CTNNA2: variants seen among roughly 807,000 people sequenced by gnomAD.
The protein encoded by CTNNA2 is catenin alpha-2.
In CTNNA2, 42 loss-of-function variants were observed where a neutral mutation model predicts 101.0. The ratio of observed to expected loss-of-function variants is 0.42; its 90% CI spans 0.32 to 0.54. CTNNA2 has a LOEUF of 0.54. CTNNA2 is among the 20% of genes least tolerant of loss of function. CTNNA2 has a pLI of 0.14. For missense variants in CTNNA2, 871 were observed against 1,223.1 expected (o/e 0.71, Z 4.29); for synonymous variants, 450 against 456.4 (o/e 0.99, Z 0.18).
Position 79,338,572 on chromosome 2 carries a change from C to CTCTTCTTCTTCTTCTTCT in CTNNA2, c.-318+25778_-318+25779insTTCTTCTTCTTCTTCTTC, listed in dbSNP as rs1206814071. 1.5e-4 allele frequency among the ~76,000 whole-genome samples: 19 copies of CTCTTCTTCTTCTTCTTCT among 127,164 alleles called. 1 individual carries two copies. The highest frequency in any genetic ancestry group is 4.3e-4 in the African/African-American group (14 of 32,788). The allele number at this position is 127,164 out of a possible 152,430, so 83.4% of individuals were successfully genotyped here. A position where few individuals can be genotyped will look rare whatever the true frequency, so the allele number is the denominator to read the frequency against. On this transcript the variant is annotated intron_variant, in intron 3 of 21. Coordinates refer to the CTNNA2 transcript ENST00000466387. Reference sequence around the variant, plus strand: ...ACCATTTTTCTTCTTCTTCTTCCTCCTCATCATCTTCTTCTTCTTCTTCTT... The same window carrying CTCTTCTTCTTCTTCTTCT: ...ACCATTTTTCTTCTTCTTCTTCCTCCTCTTCTTCTTCTTCTTCTTCATCATCTTCTTCTTCTTCTTCTT...
intron 1 of CTNNA2, among the ~76,000 whole-genome samples, chr2:79,602,593 G>T (rs1283587072): frequency 2.0e-5 from 3 of 152,138 alleles, no homozygotes; most frequent in Non-Finnish European, 4.4e-5. Context: ...AATGATAGCA[G>T]TGTTCTTAAA....
At chr2:79,981,046 C>T (rs544805538) in intron 7 of CTNNA2, among the ~76,000 whole-genome samples, 13 of 152,028 alleles carry the variant, frequency 8.6e-5, no homozygotes, top group South Asian at 6.2e-4. Flanking sequence ...TTATCAGCCA[C>T]GTATGGAGAG....
chr2:80,558,677 G>A (rs751947749), intron 12 of CTNNA2, among the ~76,000 whole-genome samples: 17 of 152,030 alleles, frequency 1.1e-4, no homozygotes, highest in Non-Finnish European at 2.5e-4. Context: ...ACTTTTCTAT[G>A]TGAATCTATC....
intron 7 of CTNNA2, among the ~76,000 whole-genome samples, chr2:80,357,456 G>C (rs193173109): frequency 1.3e-5 from 2 of 151,976 alleles, no homozygotes; most frequent in South Asian, 4.2e-4. Context: ...AAGTCTTTTC[G>C]ATATCCTCAT....
chr2:79,628,656 CA>C (rs1227161571), intron 1 of CTNNA2, among the ~76,000 whole-genome samples: 1 of 152,140 alleles, frequency 6.6e-6, no homozygotes, highest in Admixed American at 6.5e-5. Flanking sequence ...TAATTTCAAC[CA>C]TAAATATCAC....
chr2:79,962,140 G>C (rs1283460867), intron 7 of CTNNA2, among the ~76,000 whole-genome samples: 1 of 152,230 alleles, frequency 6.6e-6, no homozygotes, highest in Non-Finnish European at 1.5e-5. Context: ...TACTGTCTTA[G>C]TCTGTTCAGG....
At chr2:79,619,936 G>A (rs772370954) in intron 1 of CTNNA2, among the ~76,000 whole-genome samples, 14 of 151,570 alleles carry the variant, frequency 9.2e-5, no homozygotes, top group African/African-American at 7.3e-5. Context: ...TCAGATTTTC[G>A]TAGCTTTTTT....
intron 7 of CTNNA2, among the ~76,000 whole-genome samples, chr2:80,200,204 G>A (rs111793628): frequency 0.01 from 1,541 of 152,294 alleles, 27 homozygotes; most frequent in African/African-American, 0.035. Context: ...CCTTGTGCCA[G>A]ACAATGTATC....
In CTNNA2 at chr2:80,606,414, C is replaced by CACACA. The variant is rs1558638318; in HGVS notation, c.2296-1770_2296-1769insACACA. On this transcript the variant is annotated intron_variant, in intron 16 of 18. Coordinates refer to ENST00000402739, the MANE Select transcript of CTNNA2 (RefSeq NM_001282597.3). ...CACACACACACACACACACACACAC[C>CACACA]CCCCAGGATACATTTATTTTGAGAT... Among the ~76,000 whole-genome samples the CACACA allele has an allele frequency of 8.7e-3, 450 of 51,606 alleles. 4 individuals carry two copies. The highest frequency in any genetic ancestry group is 0.03 in the African/African-American group (376 of 12,666). The allele number at this position is 51,606 out of a possible 152,430, so 33.9% of individuals were successfully genotyped here. A position where few individuals can be genotyped will look rare whatever the true frequency, so the allele number is the denominator to read the frequency against.
At chr2:80,151,942 C>G (rs747838357) in intron 7 of CTNNA2, among the ~76,000 whole-genome samples, 2 of 152,248 alleles carry the variant, frequency 1.3e-5, no homozygotes, top group African/African-American at 2.4e-5. Flanking sequence ...TTGCTTCCCC[C>G]CTGCTGTCTT....
chr2:80,200,890 C>T (rs527605230), intron 7 of CTNNA2, among the ~76,000 whole-genome samples: 1 of 151,046 alleles, frequency 6.6e-6, no homozygotes, highest in Non-Finnish European at 1.5e-5. Flanking sequence ...CCTGTACCTT[C>T]TCAGTGTCTT....
At chr2:79,638,308 G>T (rs1006554458) in intron 1 of CTNNA2, among the ~76,000 whole-genome samples, 1 of 151,808 alleles carries the variant, frequency 6.6e-6, no homozygotes, top group African/African-American at 2.4e-5. Flanking sequence ...GTATTTTTTG[G>T]CTCATAAATA....
Position 80,559,709 on chromosome 2 carries a change from C to T in CTNNA2, c.1741+3816C>T, listed in dbSNP as rs1027939853. Among the ~76,000 whole-genome samples, 3 of 152,072 alleles carry T rather than the reference C, an allele frequency of 2.0e-5. No homozygotes were observed. In the East Asian group the frequency reaches 5.8e-4, roughly 29 times the overall value. ...CTACAGCAGACCCATTAAATACTTACATGGCATATTTGATGGGCTCTTCAA... is the reference window on the plus strand; with the variant it reads ...CTACAGCAGACCCATTAAATACTTATATGGCATATTTGATGGGCTCTTCAA... On this transcript the variant is annotated intron_variant, in intron 12 of 18. Transcript: ENST00000402739.
At chr2:80,313,214 A>G (rs759999220) in intron 7 of CTNNA2, among the ~76,000 whole-genome samples, 22 of 152,324 alleles carry the variant, frequency 1.4e-4, no homozygotes, top group East Asian at 1.9e-4. Flanking sequence ...TCAGTGGTAA[A>G]CTAACCTGCC....
intron 2 of CTNNA2, among the ~76,000 whole-genome samples, chr2:79,719,639 C>T (rs940292986): frequency 3.9e-5 from 6 of 152,010 alleles, no homozygotes; most frequent in African/African-American, 1.4e-4. Context: ...TGCATTTCTA[C>T]GATGATTAAT....
intron 3 of CTNNA2, among the ~76,000 whole-genome samples, chr2:79,855,035 C>T (rs570934895): frequency 2.0e-5 from 3 of 152,148 alleles, no homozygotes; most frequent in Non-Finnish European, 4.4e-5. Context: ...CCTTTGGAAT[C>T]CTTATCAACA....
At chr2:80,221,234 A>G (rs1356577269) in intron 7 of CTNNA2, among the ~76,000 whole-genome samples, 1 of 152,186 alleles carries the variant, frequency 6.6e-6, no homozygotes, top group Non-Finnish European at 1.5e-5. Flanking sequence ...AATCAAGCAC[A>G]TAGGTTCTGA....
chr2:79,364,100 T>A (rs1343328658), intron 3 of CTNNA2, among the ~76,000 whole-genome samples: 1 of 152,074 alleles, frequency 6.6e-6, no homozygotes, highest in Non-Finnish European at 1.5e-5. Flanking sequence ...CAGTGTCAGG[T>A]CTTGGAGGAA....
rs575951625 is a variant in CTNNA2 at position 80,290,757 on chromosome 2, T to C, written c.1057-102454T>C. Among the ~76,000 whole-genome samples, 16 of 152,308 alleles carry C rather than the reference T, an allele frequency of 1.1e-4. No individual in the cohort carries two copies. The East Asian group carries it at 1.7e-3, about 17-fold the overall frequency. ...AATGTTTGCTCCCTCAGTGCCATTT[T>C]GCTCTTGTTGTGAATGCCTGGTGTA... On this transcript the variant is annotated intron_variant, in intron 7 of 18. Coordinates refer to ENST00000402739, the MANE Select transcript of CTNNA2 (RefSeq NM_001282597.3).
Sources: allele counts gnomAD v4.1 joint callset (sites outside exome capture counted in the v4.1 genomes callset), GRCh38; gene constraint gnomAD v4.1.1; transcripts MANE v1.5; gene names NCBI Gene and HGNC (gene_info 2026-07-23, HGNC 2026-07-21).